C10orf143: variants seen among roughly 807,000 people sequenced by gnomAD.
C10orf143 encodes the protein chromosome 10 open reading frame 143.
chr10:130,070,503 C>T (rs1345582391), intron 3 of C10orf143, among the ~76,000 whole-genome samples: 1 of 152,192 alleles, frequency 6.6e-6, no homozygotes, highest in Non-Finnish European at 1.5e-5. Flanking sequence ...GTTTCTCTGC[C>T]TTTGATGTCC....
At chr10:130,074,495 C>T (rs766634172) in intron 3 of C10orf143, among the ~76,000 whole-genome samples, 24 of 152,138 alleles carry the variant, frequency 1.6e-4, no homozygotes, top group African/African-American at 4.1e-4. Flanking sequence ...CACTGCGCAT[C>T]GATCTCTGTT....
chr10:130,099,211 T>C lies in C10orf143; in HGVS notation c.69+11493A>G, dbSNP rs139564375. The stretch of plus-strand genomic sequence containing the variant: ...AATTTCCTATATCTACATGGGAGGA[T>C]AGTGGAATCTCATTAAACTGAGTAT... On this transcript the variant is annotated intron_variant, in intron 1 of 3. Coordinates refer to ENST00000637128, the MANE Select transcript of C10orf143 (RefSeq NM_001355042.2). Among the ~76,000 whole-genome samples the C allele has an allele frequency of 3.0e-3, 454 of 152,210 alleles. 2 individuals carry two copies. The highest frequency in any genetic ancestry group is 1.0e-2 in the African/African-American group (414 of 41,542).
chr10:130,106,918 A>G, intron 1 of C10orf143: 1 of 1,014,160 alleles, frequency 9.9e-7, no homozygotes, highest in South Asian at 1.3e-5. Flanking sequence ...ATGATAACTT[A>G]GAAGTGAACA....
At chr10:130,093,155 C>T (rs187481202) in intron 1 of C10orf143, among the ~76,000 whole-genome samples, 5 of 152,188 alleles carry the variant, frequency 3.3e-5, no homozygotes, top group African/African-American at 9.6e-5. Context: ...TAAAATTGAC[C>T]ACATAATTGG....
chr10:130,106,992 A>G, intron 1 of C10orf143: 1 of 1,084,442 alleles, frequency 9.2e-7, no homozygotes, highest in East Asian at 2.3e-5. Flanking sequence ...AAACTGATTC[A>G]TGCTACTAAG....
intron 3 of C10orf143, among the ~76,000 whole-genome samples, chr10:130,076,954 G>A (rs751124664): frequency 1.9e-4 from 29 of 152,086 alleles, no homozygotes; most frequent in Non-Finnish European, 4.0e-4. Context: ...GGGCAGGAGC[G>A]GACGCCCTGA....
intron 1 of C10orf143, among the ~76,000 whole-genome samples, chr10:130,086,196 G>A (rs1231498766): frequency 6.6e-6 from 1 of 152,150 alleles, no homozygotes; most frequent in African/African-American, 2.4e-5. Context: ...AACAGCCCCA[G>A]CAACCACATC....
intron 1 of C10orf143, among the ~76,000 whole-genome samples, chr10:130,098,569 C>G (rs1331516455): frequency 6.6e-6 from 1 of 152,196 alleles, no homozygotes. Context: ...CACACCCTCA[C>G]GTGTCAGTCA....
intron 3 of C10orf143, among the ~76,000 whole-genome samples, chr10:130,057,391 C>A (rs1466771442): frequency 1.3e-5 from 2 of 152,128 alleles, no homozygotes. Context: ...CCCTCTGGGC[C>A]CTTCCAAGTT....
chr10:130,079,438 C>T (rs1176043233), intron 3 of C10orf143, 128 bp downstream of exon 3: 5 of 397,234 alleles, frequency 1.3e-5, no homozygotes, highest in Non-Finnish European at 2.2e-5. Flanking sequence ...AATCAATTTT[C>T]ACCTTTTTAT....
intron 3 of C10orf143, among the ~76,000 whole-genome samples, chr10:130,074,615 G>C (rs1056715766): frequency 2.6e-5 from 4 of 152,186 alleles, no homozygotes; most frequent in African/African-American, 9.7e-5. Flanking sequence ...GCAGGCACCA[G>C]AGGAGGGCAG....
intron 3 of C10orf143, among the ~76,000 whole-genome samples, chr10:130,052,466 T>C (rs931911002): frequency 2.0e-5 from 3 of 152,126 alleles, no homozygotes; most frequent in Admixed American, 1.3e-4. Flanking sequence ...CCGGGATAGT[T>C]ACTGCCCCCA....
At chr10:130,107,633 A>G in intron 1 of C10orf143, 2 of 1,334,842 alleles carry the variant, frequency 1.5e-6, no homozygotes, top group South Asian at 1.2e-5. Flanking sequence ...ATCTGAAACG[A>G]GAGCTTTTCT....
intron 3 of C10orf143, among the ~76,000 whole-genome samples, chr10:130,077,603 C>T (rs1365077654): frequency 1.3e-5 from 2 of 152,258 alleles, no homozygotes; most frequent in Non-Finnish European, 2.9e-5. Context: ...GTGAATGGAA[C>T]TGCAAGTTTA....
rs556913700 is a variant in C10orf143 at position 130,050,592 on chromosome 10, C to T, written c.298-14622G>A. On this transcript the variant is annotated intron_variant and NMD_transcript_variant, in intron 3 of 5. Transcript: ENST00000643056. ...AAAATAAAGGCAAAATGGAAAATAA[C>T]GGGTAGTAAGGCCTTAAAACAATGT... is the stretch of plus-strand genomic sequence containing the variant. Among the ~76,000 whole-genome samples the T allele has an allele frequency of 2.6e-5, 4 of 152,228 alleles. No homozygotes were observed. In the South Asian group the frequency reaches 8.3e-4, roughly 32 times the overall value.
intron 3 of C10orf143, among the ~76,000 whole-genome samples, chr10:130,055,581 T>G (rs1240559839): frequency 6.6e-6 from 1 of 152,200 alleles, no homozygotes; most frequent in Admixed American, 6.5e-5. Flanking sequence ...TTAAAAAGTT[T>G]GTCAAGAATG....
chr10:130,055,971 A>C (rs1457991208), intron 3 of C10orf143, among the ~76,000 whole-genome samples: 1 of 150,894 alleles, frequency 6.6e-6, no homozygotes, highest in African/African-American at 2.4e-5. Context: ...AAAAAAAAAA[A>C]AAAAAAAAGA....
chr10:130,095,644 T>C (rs1033924579), intron 1 of C10orf143, among the ~76,000 whole-genome samples: 2 of 152,182 alleles, frequency 1.3e-5, no homozygotes, highest in South Asian at 4.1e-4. Flanking sequence ...GCCACACATC[T>C]ACAACCTTCT....
At chr10:130,055,952 T>TAAAAAAAAAAAAAAAAAAA (rs369284797) in intron 3 of C10orf143, among the ~76,000 whole-genome samples, 31 of 65,860 alleles carry the variant, frequency 4.7e-4, no homozygotes, top group Non-Finnish European at 7.0e-4. Flanking sequence ...TCTCCAAAAG[T>TAAAAAAAAAAAAAAAAAAA]AAAAAAAAAA....
Sources: gnomAD v4.1 joint callset for allele counts (sites outside exome capture counted in the v4.1 genomes callset) on GRCh38, gnomAD v4.1.1 for gene constraint, MANE v1.5 for transcripts, NCBI Gene and HGNC (gene_info 2026-07-23, HGNC 2026-07-21) for gene names.